Variants in ARL13B observed in about 807,000 individuals in gnomAD.
ARL13B encodes the protein ADP-ribosylation factor-like protein 13B.
ARL13B carries 36 observed loss-of-function variants against 56.1 expected under a neutral mutation model. That is an observed-to-expected ratio of 0.64 (90% CI 0.49 to 0.85). ARL13B has a LOEUF of 0.85. Ranked by LOEUF, ARL13B falls within the 40% of genes least tolerant of loss-of-function variation. The probability of loss-of-function intolerance (pLI) is 0.00; values close to 1 mark genes in which losing one functional copy is unlikely to be tolerated. For synonymous variants in ARL13B, 178 were observed against 171.1 expected, an observed-to-expected ratio of 1.04 and a Z score of -0.32; for missense variants, 519 against 507.1, an observed-to-expected ratio of 1.02 and a Z score of -0.23.
At chr3:93,981,885 A>G (rs1344016106) in intron 1 of ARL13B, among the ~76,000 whole-genome samples, 36 of 150,974 alleles carry the variant, frequency 2.4e-4, no homozygotes, top group Non-Finnish European at 3.2e-4. Flanking sequence ...AAAAAAAAAA[A>G]AAAAGAAAAA....
chr3:94,022,117 GTTTTA>G (rs1384163033), intron 3 of ARL13B, among the ~76,000 whole-genome samples: 1 of 151,716 alleles, frequency 6.6e-6, no homozygotes, highest in Non-Finnish European at 1.5e-5. Context: ...TGCTTCTTCA[GTTTTA>G]TTTTATTTTA....
intron 3 of ARL13B, among the ~76,000 whole-genome samples, chr3:94,012,172 A>G (rs2076235244): frequency 6.6e-6 from 1 of 152,060 alleles, no homozygotes; most frequent in African/African-American, 2.4e-5. Context: ...TTTTACATCC[A>G]CATACTTTTC....
chr3:93,985,619 A>G (rs1710423652), intron 1 of ARL13B, among the ~76,000 whole-genome samples: 1 of 152,228 alleles, frequency 6.6e-6, no homozygotes, highest in Admixed American at 6.5e-5. Flanking sequence ...AACCAAAAAG[A>G]AAGATATAAT....
At chr3:94,019,873 G>A (rs2076412305) in intron 3 of ARL13B, among the ~76,000 whole-genome samples, 1 of 152,122 alleles carries the variant, frequency 6.6e-6, no homozygotes, top group Admixed American at 6.5e-5. Context: ...TCTATTTGAA[G>A]TGTTCTTTCC....
rs748205542 is a variant in ARL13B, at chr3:93,980,244, G to T, written c.-180G>T. ...CCTTGGCTAAGAGGGCAGTCGTCGC[G>T]GACCCACGCGGTTAGCAAGGCTTAG... On this transcript the variant is annotated 5_prime_UTR_variant, in exon 1 of 10. Transcript: ENST00000394222. 1 of 771,646 alleles carries T rather than the reference G, an allele frequency of 1.3e-6. No individual in the cohort carries two copies. Among genetic ancestry groups the T allele is most frequent in the East Asian group, 2.7e-5 (1 of 37,600 alleles). The allele number at this position is 771,646 out of a possible 1,614,324, so 47.8% of individuals were successfully genotyped here.
chr3:94,043,738 A>G (rs373070354), intron 7 of ARL13B, among the ~76,000 whole-genome samples: 5 of 121,892 alleles, frequency 4.1e-5, no homozygotes, highest in African/African-American at 1.3e-4. Context: ...GCTCACTGCA[A>G]CCTCCCTGCC....
At position 93,980,460 on chromosome 3, in the gene ARL13B, A is replaced by G; in HGVS notation, c.37A>G (p.Lys13Glu). 6.2e-7 allele frequency: 1 copy of G among 1,612,214 alleles called. No homozygotes were observed. Among genetic ancestry groups the G allele is most frequent in the Non-Finnish European group, 8.5e-7 (1 of 1,179,980 alleles). ...GATGGCCAGTTGCTGCGGCTGGTTC[A>G]AGCGGTGGCGGGAGCCTGTCAGGTA... ...SLMASCCGWF[K>E]RWREPVRKVT... The change falls in exon 1 of 10, where the codon AAG becomes GAG. Residue 13 changes from lysine (K) to glutamate (E), a missense_variant. Coordinates refer to ENST00000394222, the MANE Select transcript of ARL13B (RefSeq NM_001174150.2).
At chr3:94,024,516 G>T (rs913056228) in intron 3 of ARL13B, among the ~76,000 whole-genome samples, 1 of 152,176 alleles carries the variant, frequency 6.6e-6, no homozygotes, top group African/African-American at 2.4e-5. Flanking sequence ...GCATGGTTTG[G>T]AACAAATCCT....
intron 1 of ARL13B, among the ~76,000 whole-genome samples, chr3:93,982,333 C>T (rs1035879903): frequency 1.3e-5 from 2 of 152,314 alleles, no homozygotes; most frequent in African/African-American, 4.8e-5. Context: ...TAAGCACCAT[C>T]TAGATTTGTC....
intron 3 of ARL13B, among the ~76,000 whole-genome samples, chr3:94,018,713 T>C (rs1467692263): frequency 1.3e-5 from 2 of 152,128 alleles, no homozygotes; most frequent in Non-Finnish European, 2.9e-5. Flanking sequence ...CTGCCCCATC[T>C]CTCTTCTGGC....
intron 3 of ARL13B, among the ~76,000 whole-genome samples, chr3:94,008,778 T>G (rs1422715095): frequency 6.6e-6 from 1 of 152,132 alleles, no homozygotes; most frequent in African/African-American, 2.4e-5. Context: ...TAAAATTTTC[T>G]TTTAGGGTAA....
intron 3 of ARL13B, among the ~76,000 whole-genome samples, chr3:94,004,199 TC>T (rs2076097325): frequency 6.6e-6 from 1 of 152,190 alleles, no homozygotes; most frequent in Non-Finnish European, 1.5e-5. Flanking sequence ...TTTGAAATAC[TC>T]CATTAACAAG....
Position 94,050,863 on chromosome 3 carries a change from T to A in ARL13B, c.1181T>A (p.Leu394His), listed in dbSNP as rs760642945. 6.2e-7 allele frequency: 1 copy of A among 1,613,128 alleles called. No individual in the cohort carries two copies. The highest frequency in any genetic ancestry group is 1.1e-5 in the South Asian group (1 of 91,078). Residue 394 changes from leucine (L) to histidine (H), a missense_variant, in exon 9 of 10, where the codon CTT becomes CAT. Transcript: ENST00000394222. The part of the protein sequence containing the change: ...GTPKVTRLPK[L>H]EPLGETHHND... ...CCTAAAGTCACTAGACTTCCAAAAC[T>A]TGAGCCTCTTGGTGAAACACATCAT... is the stretch of plus-strand genomic sequence containing the variant.
rs1343271720 is a variant in ARL13B at position 93,992,324 on chromosome 3, G to A, written c.60-3550G>A. On this transcript the variant is annotated intron_variant, in intron 1 of 9. Transcript: ENST00000394222. ...CTCATAAGGGATGTGAAAAGTTTTC[G>A]TGATGTTTCCAGGAACTGCCGACTC... 5.9e-5 allele frequency among the ~76,000 whole-genome samples: 9 copies of A among 152,200 alleles called. No individual in the cohort carries two copies. The East Asian group carries it at 9.6e-4, about 16-fold the overall frequency.
chr3:94,029,330 A>AT (rs1559997668), intron 3 of ARL13B, among the ~76,000 whole-genome samples: 20 of 71,192 alleles, frequency 2.8e-4, no homozygotes, highest in African/African-American at 3.7e-4. Context: ...ATATATATAT[A>AT]TATATTTATT....
At chr3:94,011,841 G>T (rs921436398) in intron 3 of ARL13B, among the ~76,000 whole-genome samples, 1 of 151,998 alleles carries the variant, frequency 6.6e-6, no homozygotes, top group African/African-American at 2.4e-5. Context: ...GGAAAGAATT[G>T]CCTGTAGTGG....
intron 2 of ARL13B, 52 bp from the exon 3 acceptor site, chr3:94,003,606 CG>C: frequency 6.3e-7 from 1 of 1,585,610 alleles, no homozygotes; most frequent in South Asian, 1.1e-5. Context: ...GAAAAATTAA[CG>C]TTGTCAATTA....
At chr3:93,993,407 G>A (rs1312772381) in intron 1 of ARL13B, among the ~76,000 whole-genome samples, 1 of 152,106 alleles carries the variant, frequency 6.6e-6, no homozygotes, top group Non-Finnish European at 1.5e-5. Context: ...GATTACAGGC[G>A]TGAGCCACCA....
In ARL13B at chr3:94,033,010, T is replaced by C. The variant is rs114735786; in HGVS notation, c.381-2321T>C. Among the ~76,000 whole-genome samples the C allele has an allele frequency of 9.2e-3, 1,395 of 152,338 alleles. 25 individuals are homozygous for C. The highest frequency in any genetic ancestry group is 0.031 in the African/African-American group (1,309 of 41,580). On this transcript the variant is annotated intron_variant, in intron 3 of 9. Coordinates refer to ENST00000394222, the MANE Select transcript of ARL13B (RefSeq NM_001174150.2). ...GAAAGAAAATGTTTGTGTGTGTGTT[T>C]TGTATATACATACATAAAATGGAAT... is the stretch of plus-strand genomic sequence containing the variant.
Sources: allele counts gnomAD v4.1 joint callset (sites outside exome capture counted in the v4.1 genomes callset), GRCh38; gene constraint gnomAD v4.1.1; transcripts MANE v1.5; gene names NCBI Gene and HGNC (gene_info 2026-07-23, HGNC 2026-07-21).